Variants in RBFOX1 observed in about 807,000 individuals in gnomAD.
RBFOX1 encodes RNA binding fox-1 homolog 1.
RBFOX1 carries 8 observed loss-of-function variants against 57.7 expected under a neutral mutation model. The observed-to-expected ratio is 0.14, with a 90% CI of 0.08 to 0.25. RBFOX1 has a LOEUF of 0.25. Among genes scored for constraint, RBFOX1 ranks in the 10% least tolerant of loss-of-function variants. The pLI, the probability that RBFOX1 is intolerant of heterozygous loss-of-function variation, is 1.00. For synonymous variants in RBFOX1, 326 were observed against 222.4 expected (o/e 1.47, Z -4.15); for missense variants, 611 against 548.5 (o/e 1.11, Z -1.14).
chr16:7,680,708 C>G (rs1346900417), intron 14 of RBFOX1, among the ~76,000 whole-genome samples: 1 of 152,082 alleles, frequency 6.6e-6, no homozygotes, highest in Non-Finnish European at 1.5e-5. Context: ...TAATGTATAC[C>G]TTTTTGGATT....
At chr16:5,621,469 C>T (rs996234105) in intron 3 of RBFOX1, among the ~76,000 whole-genome samples, 5 of 152,062 alleles carry the variant, frequency 3.3e-5, no homozygotes, top group Middle Eastern at 3.2e-3. Context: ...AAGTAGATAC[C>T]GCTGTCAGTC....
intron 4 of RBFOX1, among the ~76,000 whole-genome samples, chr16:7,272,294 C>T (rs1008198016): frequency 2.6e-5 from 4 of 152,146 alleles, no homozygotes; most frequent in African/African-American, 9.7e-5. Flanking sequence ...AAGTGATTGT[C>T]CTGCCTCGGC....
chr16:7,354,764 T>C (rs2097185485), intron 4 of RBFOX1, among the ~76,000 whole-genome samples: 1 of 152,190 alleles, frequency 6.6e-6, no homozygotes, highest in South Asian at 2.1e-4. Flanking sequence ...TCAGTAGCCC[T>C]CAAAACTGTG....
At chr16:5,608,746 C>T (rs1567292656) in intron 3 of RBFOX1, among the ~76,000 whole-genome samples, 1 of 152,152 alleles carries the variant, frequency 6.6e-6, no homozygotes, top group Non-Finnish European at 1.5e-5. Flanking sequence ...CTTAACTCTC[C>T]CTCCCATCCC....
chr16:6,148,468 C>T (rs533680445), intron 1 of RBFOX1, among the ~76,000 whole-genome samples: 4 of 152,182 alleles, frequency 2.6e-5, no homozygotes, highest in Admixed American at 2.6e-4. Flanking sequence ...ACACTCATCC[C>T]CCAGCTACTG....
Position 6,218,888 on chromosome 16 carries a change from A to G in RBFOX1, c.-126-98107A>G, listed in dbSNP as rs145143890. On this transcript the variant is annotated intron_variant, in intron 1 of 15. Coordinates refer to ENST00000550418, the MANE Select transcript of RBFOX1 (RefSeq NM_018723.4). ...AAAAAGAAGAAGGAGAAAAAGTCCT[A>G]ATTATAGTTTTTCTTCTTAAGTGCT... Among the ~76,000 whole-genome samples the G allele has an allele frequency of 2.3e-3, 356 of 151,542 alleles. 9 individuals carry two copies. Among genetic ancestry groups the G allele is most frequent in the Admixed American group, 0.019 (294 of 15,208 alleles).
chr16:5,953,072 T>G (rs994598469), intron 4 of RBFOX1, among the ~76,000 whole-genome samples: 1 of 149,128 alleles, frequency 6.7e-6, no homozygotes, highest in East Asian at 2.0e-4. Flanking sequence ...AAAGTACCAC[T>G]GATTTAGCTC....
intron 4 of RBFOX1, among the ~76,000 whole-genome samples, chr16:7,241,048 T>A (rs907621048): frequency 2.0e-5 from 3 of 152,168 alleles, no homozygotes; most frequent in Non-Finnish European, 4.4e-5. Context: ...GCCACTGGAT[T>A]TGGGTTGGAA....
At chr16:6,665,108 A>G (rs2098723605) in intron 3 of RBFOX1, among the ~76,000 whole-genome samples, 1 of 152,230 alleles carries the variant, frequency 6.6e-6, no homozygotes, top group African/African-American at 2.4e-5. Context: ...TGGTACTTTA[A>G]TTTCACCAGA....
At chr16:6,867,397 G>C (rs1421129704) in intron 3 of RBFOX1, among the ~76,000 whole-genome samples, 1 of 151,646 alleles carries the variant, frequency 6.6e-6, no homozygotes, top group Non-Finnish European at 1.5e-5. Context: ...CAGAATTTTT[G>C]TTCATCTGAG....
chr16:6,712,251 A>G (rs2063839211), intron 3 of RBFOX1, among the ~76,000 whole-genome samples: 1 of 152,168 alleles, frequency 6.6e-6, no homozygotes. Flanking sequence ...CTCTGCTATG[A>G]ACCCTTAAGT....
intron 3 of RBFOX1, among the ~76,000 whole-genome samples, chr16:5,751,182 A>T (rs1244032669): frequency 6.6e-6 from 1 of 152,112 alleles, no homozygotes; most frequent in East Asian, 1.9e-4. Flanking sequence ...CAGTTTGAGG[A>T]GCTCTCCCCG....
intron 5 of RBFOX1, among the ~76,000 whole-genome samples, chr16:7,520,950 G>T (rs892535357): frequency 2.0e-5 from 3 of 152,160 alleles, no homozygotes; most frequent in Non-Finnish European, 4.4e-5. Context: ...TGCCATGGTT[G>T]AACAAAACAA....
intron 1 of RBFOX1, among the ~76,000 whole-genome samples, chr16:5,312,447 T>C (rs1052350888): frequency 6.6e-6 from 1 of 152,102 alleles, no homozygotes; most frequent in African/African-American, 2.4e-5. Context: ...GCCTCCTGAG[T>C]AGCTGGGATT....
chr16:5,725,827 C>T (rs768893104), intron 3 of RBFOX1, among the ~76,000 whole-genome samples: 9 of 151,930 alleles, frequency 5.9e-5, no homozygotes, highest in African/African-American at 1.2e-4. Context: ...GCCAGCTCTC[C>T]GAGTTCTCTG....
At chr16:7,576,659 G>C (rs559029851) in intron 5 of RBFOX1, among the ~76,000 whole-genome samples, 1 of 152,164 alleles carries the variant, frequency 6.6e-6, no homozygotes, top group African/African-American at 2.4e-5. Context: ...TGTTTGACTA[G>C]AGATGATTAA....
At chr16:7,404,069 T>TTTTATTTTAC (rs1568664431) in intron 4 of RBFOX1, among the ~76,000 whole-genome samples, 1 of 149,966 alleles carries the variant, frequency 6.7e-6, no homozygotes, top group Non-Finnish European at 1.5e-5. Flanking sequence ...TTTTATTTTA[T>TTTTATTTTAC]TGAGACGGAG....
intron 4 of RBFOX1, among the ~76,000 whole-genome samples, chr16:7,181,912 T>A (rs894673432): frequency 6.6e-6 from 1 of 152,126 alleles, no homozygotes; most frequent in African/African-American, 2.4e-5. Context: ...CTTACGTAAT[T>A]TCTACGGAAA....
intron 3 of RBFOX1, among the ~76,000 whole-genome samples, chr16:5,787,311 C>T (rs1378117234): frequency 6.6e-6 from 1 of 152,162 alleles, no homozygotes; most frequent in African/African-American, 2.4e-5. Context: ...AGGTGTCCTC[C>T]AGTGCACACA....
Sources: allele counts gnomAD v4.1 joint callset (sites outside exome capture counted in the v4.1 genomes callset), GRCh38; gene constraint gnomAD v4.1.1; transcripts MANE v1.5; gene names NCBI Gene and HGNC (gene_info 2026-07-23, HGNC 2026-07-21).